Variants in RIN3 observed in about 807,000 individuals in gnomAD.
RIN3 encodes the protein RAB5 interacting protein 3.
RIN3 carries 54 observed loss-of-function variants against 76.3 expected under a neutral mutation model. That is an observed-to-expected ratio of 0.71 (90% CI 0.57 to 0.89). The LOEUF is 0.89. RIN3 is among the 40% of genes least tolerant of loss of function. The pLI is 0.00. For synonymous variants in RIN3, 576 were observed against 564.0 expected (o/e 1.02, Z -0.30); for missense variants, 1,256 against 1,322.1 (o/e 0.95, Z 0.78).
chr14:92,526,430 G>A (rs1211873489), intron 1 of RIN3, among the ~76,000 whole-genome samples: 9 of 151,912 alleles, frequency 5.9e-5, no homozygotes, highest in African/African-American at 9.7e-5. Flanking sequence ...CTGCACTCCA[G>A]CCTGAGTGAC....
intron 3 of RIN3, among the ~76,000 whole-genome samples, chr14:92,585,627 T>TTTTG (rs780559615): frequency 6.6e-6 from 1 of 152,114 alleles, no homozygotes; most frequent in Non-Finnish European, 1.5e-5. Flanking sequence ...CAGCAGGTTT[T>TTTTG]TTTGTTTGTT....
At chr14:92,517,473 T>C (rs1263831875) in intron 1 of RIN3, among the ~76,000 whole-genome samples, 1 of 152,114 alleles carries the variant, frequency 6.6e-6, no homozygotes, top group Non-Finnish European at 1.5e-5. Flanking sequence ...AGCCTTAACA[T>C]GGGGTAAATG....
chr14:92,659,092 G>A, intron 6 of RIN3, 69 bp from the exon 7 acceptor site: 1 of 1,482,292 alleles, frequency 6.7e-7, no homozygotes, highest in Non-Finnish European at 9.4e-7. Context: ...TGTGCTGTTG[G>A]GCAACAGAAC....
At chr14:92,655,035 C>T (rs546016546) in intron 6 of RIN3, among the ~76,000 whole-genome samples, 59 of 152,118 alleles carry the variant, frequency 3.9e-4, no homozygotes, top group Admixed American at 7.9e-4. Context: ...TGTGGTGGCG[C>T]GCACCTGTAA....
intron 4 of RIN3, among the ~76,000 whole-genome samples, chr14:92,637,400 G>T (rs184338947): frequency 1.6e-4 from 25 of 152,248 alleles, no homozygotes; most frequent in Non-Finnish European, 2.9e-5. Context: ...CAGGCTGTAT[G>T]CGAGCGATGG....
At chr14:92,567,868 A>C (rs891321963) in intron 2 of RIN3, among the ~76,000 whole-genome samples, 1 of 152,218 alleles carries the variant, frequency 6.6e-6, no homozygotes, top group Non-Finnish European at 1.5e-5. Flanking sequence ...ACTTAAAATC[A>C]TAGCATGTGA....
intron 1 of RIN3, among the ~76,000 whole-genome samples, chr14:92,548,048 T>C (rs1306646186): frequency 2.6e-5 from 4 of 152,176 alleles, no homozygotes; most frequent in African/African-American, 7.2e-5. Flanking sequence ...ATAATTATTA[T>C]AAAAATTTGA....
intron 7 of RIN3, among the ~76,000 whole-genome samples, chr14:92,659,805 A>G (rs565967890): frequency 6.6e-6 from 1 of 152,322 alleles, no homozygotes; most frequent in East Asian, 1.9e-4. Flanking sequence ...CAGCAGAAAC[A>G]TATTGTCTCA....
At chr14:92,661,654 G>T (rs535390764) in intron 7 of RIN3, among the ~76,000 whole-genome samples, 60 of 151,682 alleles carry the variant, frequency 4.0e-4, no homozygotes, top group African/African-American at 1.5e-3. Context: ...AACCCGGGAG[G>T]CAGACGTTGC....
At position 92,666,144 on chromosome 14, in the gene RIN3, C is replaced by A. The variant is rs1888092331; in HGVS notation, c.2335+6675C>A. On this transcript the variant is annotated intron_variant, in intron 7 of 9. Coordinates refer to ENST00000216487, the MANE Select transcript of RIN3 (RefSeq NM_024832.5). The stretch of plus-strand genomic sequence containing the variant: ...CATCCTGCCTAGCCCTGCCTCTAGT[C>A]TTCCCAGCCCCCTCACCTCCAGGGA... Among the ~76,000 whole-genome samples, 5 of 151,848 alleles carry A rather than the reference C, an allele frequency of 3.3e-5. No individual in the cohort carries two copies. The South Asian group carries it at 1.0e-3, about 31-fold the overall frequency.
chr14:92,569,532 C>T (rs1325247544), intron 2 of RIN3, among the ~76,000 whole-genome samples: 2 of 151,898 alleles, frequency 1.3e-5, no homozygotes, highest in African/African-American at 4.8e-5. Flanking sequence ...GAAAGAAATA[C>T]AGTTTGTGAG....
At chr14:92,578,723 C>T (rs1440443274) in intron 3 of RIN3, among the ~76,000 whole-genome samples, 1 of 152,110 alleles carries the variant, frequency 6.6e-6, no homozygotes, top group East Asian at 1.9e-4. Flanking sequence ...TGAGTCAGTT[C>T]CTGGGCGAGG....
At position 92,551,826 on chromosome 14, in the gene RIN3, G is replaced by A. The variant is rs548703015; in HGVS notation, c.45-3925G>A. ...TTGGTCTCTGTTGGATATATGTTTT[G>A]CAGATATTTTTCCCCCAGCCTGATG... On this transcript the variant is annotated intron_variant, in intron 1 of 9. Transcript: ENST00000216487. 4.9e-4 allele frequency among the ~76,000 whole-genome samples: 75 copies of A among 152,288 alleles called. 2 individuals carry two copies. Among genetic ancestry groups the A allele is most frequent in the Non-Finnish European group, 6.9e-4 (47 of 68,030 alleles).
chr14:92,587,352 C>T (rs1379945422), intron 3 of RIN3, among the ~76,000 whole-genome samples: 2 of 152,212 alleles, frequency 1.3e-5, no homozygotes, highest in Non-Finnish European at 2.9e-5. Context: ...CAGCCATTAC[C>T]CACAAGAAGG....
At chr14:92,603,119 A>G (rs539737627) in intron 3 of RIN3, among the ~76,000 whole-genome samples, 17 of 152,272 alleles carry the variant, frequency 1.1e-4, no homozygotes, top group Admixed American at 1.1e-3. Flanking sequence ...AGGGCTAAGG[A>G]GGGATGATCT....
At chr14:92,561,433 G>A (rs1401705643) in intron 2 of RIN3, among the ~76,000 whole-genome samples, 2 of 151,534 alleles carry the variant, frequency 1.3e-5, no homozygotes, top group Non-Finnish European at 2.9e-5. Flanking sequence ...TTGTTCATTT[G>A]TGTGTATCCA....
chr14:92,672,664 G>A (rs1271944567), intron 7 of RIN3, among the ~76,000 whole-genome samples: 12 of 147,358 alleles, frequency 8.1e-5, no homozygotes, highest in Non-Finnish European at 1.5e-4. Flanking sequence ...GTGTGCATGT[G>A]TGTGTGTGTG....
At chr14:92,551,059 C>G (rs1205706886) in intron 1 of RIN3, among the ~76,000 whole-genome samples, 1 of 152,138 alleles carries the variant, frequency 6.6e-6, no homozygotes, top group Admixed American at 6.5e-5. Flanking sequence ...CAGACCACCC[C>G]CTGAATGTTA....
intron 2 of RIN3, among the ~76,000 whole-genome samples, chr14:92,557,308 C>G (rs1897617909): frequency 6.6e-6 from 1 of 152,202 alleles, no homozygotes; most frequent in African/African-American, 2.4e-5. Context: ...CCAGGGGACA[C>G]AGTGAGTAAA....
Sources: gnomAD v4.1 joint callset for allele counts (sites outside exome capture counted in the v4.1 genomes callset) on GRCh38, gnomAD v4.1.1 for gene constraint, MANE v1.5 for transcripts, NCBI Gene and HGNC (gene_info 2026-07-23, HGNC 2026-07-21) for gene names.